The following EIF4G3 variants were observed in gnomAD, a reference collection of about 807,000 sequenced individuals.
EIF4G3 encodes eukaryotic translation initiation factor 4 gamma 3, also known as eIF-4-gamma 3.
A neutral mutation model predicts 186.4 loss-of-function variants in EIF4G3; 34 were observed. The observed-to-expected ratio is 0.18, with a 90% CI of 0.14 to 0.24. The LOEUF is 0.24. Among genes scored for constraint, EIF4G3 ranks in the 10% least tolerant of loss-of-function variants. The pLI is 1.00. For missense variants in EIF4G3, 1,536 were observed against 1,948.5 expected, an observed-to-expected ratio of 0.79 and a Z score of 3.99; for synonymous variants, 673 against 679.5, an observed-to-expected ratio of 0.99 and a Z score of 0.15.
chr1:20,991,880 C>G (rs925208295), intron 7 of EIF4G3, among the ~76,000 whole-genome samples: 3 of 152,158 alleles, frequency 2.0e-5, no homozygotes, highest in African/African-American at 7.2e-5. Context: ...CTGACACCTA[C>G]CAAGGACTTA....
At chr1:20,889,894 G>A (rs147612948) in intron 18 of EIF4G3, among the ~76,000 whole-genome samples, 138 of 152,226 alleles carry the variant, frequency 9.1e-4, no homozygotes, top group African/African-American at 2.9e-3. Context: ...TGAAAACTAC[G>A]TAGCTGCATA....
chr1:21,023,164 G>C (rs1264555632), intron 4 of EIF4G3, among the ~76,000 whole-genome samples: 6 of 151,786 alleles, frequency 4.0e-5, no homozygotes, highest in Admixed American at 3.3e-4. Flanking sequence ...CCTATGCACA[G>C]GGATTTACAA....
intron 12 of EIF4G3, among the ~76,000 whole-genome samples, chr1:20,965,364 T>G (rs893198800): frequency 6.6e-6 from 1 of 152,224 alleles, no homozygotes; most frequent in Admixed American, 6.5e-5. Context: ...CCCTTACATC[T>G]GGAGAAAACT....
intron 4 of EIF4G3, among the ~76,000 whole-genome samples, chr1:21,047,536 A>C (rs572959891): frequency 6.6e-6 from 1 of 151,886 alleles, no homozygotes; most frequent in African/African-American, 2.4e-5. Context: ...CCTAAAAACC[A>C]TTTACTTCCC....
In EIF4G3 at chr1:20,981,221, G is replaced by T; in HGVS notation, c.205C>A (p.Gln69Lys). The change falls in exon 9 of 37, where the codon CAG becomes AAG. Residue 69 changes from glutamine (Q) to lysine (K), a missense_variant. Gln to Lys is a moderately conservative substitution (Grantham distance 53). Coordinates refer to ENST00000602326, the MANE Select transcript of EIF4G3 (RefSeq NM_001391906.1). ...QGGFRPIQFF[Q>K]RPQIQPPRAT... ...CTAGGAGGCTGTATTTGAGGCCTCTGGAAAAACTGGGAAGGGGAGAAAAAA... is the reference window on the plus strand; with the variant it reads ...CTAGGAGGCTGTATTTGAGGCCTCTTGAAAAACTGGGAAGGGGAGAAAAAA... 6.3e-7 allele frequency: 1 copy of T among 1,581,628 alleles called. No individual in the cohort carries two copies. Among genetic ancestry groups the T allele is most frequent in the South Asian group, 1.2e-5 (1 of 84,966 alleles).
At chr1:20,892,140 C>A (rs2086290674) in intron 18 of EIF4G3, among the ~76,000 whole-genome samples, 1 of 152,162 alleles carries the variant, frequency 6.6e-6, no homozygotes, top group Admixed American at 6.5e-5. Context: ...TATTTCAAAG[C>A]AGGTTTCAAA....
chr1:21,023,651 C>A (rs1443099878), intron 4 of EIF4G3, among the ~76,000 whole-genome samples: 1 of 151,976 alleles, frequency 6.6e-6, no homozygotes, highest in Non-Finnish European at 1.5e-5. Context: ...CCCAAAGTGC[C>A]GAGATTGCAG....
At chr1:21,052,922 G>A (rs1351892996) in intron 3 of EIF4G3, among the ~76,000 whole-genome samples, 3 of 152,168 alleles carry the variant, frequency 2.0e-5, no homozygotes, top group East Asian at 1.9e-4. Flanking sequence ...GCGTGATCTC[G>A]GCTCGCTACA....
At position 20,981,068 on chromosome 1, in the gene EIF4G3, G is replaced by A; in HGVS notation, c.358C>T (p.Pro120Ser). ...TTTACCTGTGGTATACAGTACTGAG[G>A]CCCCTGGGGCACTGGGTACGGCATG... ...LPMPYPVPQG[P>S]QYCIPQYRHS... The change falls in exon 9 of 37, where the codon CCT becomes TCT. Residue 120 changes from proline to serine, a missense_variant. Around this residue, in one of 11 missense-constraint regions of EIF4G3, gnomAD observed 194 missense variants for 212.8 expected, o/e 0.91. Coordinates refer to ENST00000602326, the MANE Select transcript of EIF4G3 (RefSeq NM_001391906.1). 4 of 1,611,710 alleles carry A rather than the reference G, an allele frequency of 2.5e-6. No individual in the cohort carries two copies. Among genetic ancestry groups the A allele is most frequent in the Non-Finnish European group, 3.4e-6 (4 of 1,178,758 alleles).
chr1:20,833,408 T>C (rs2065865549), intron 30 of EIF4G3, among the ~76,000 whole-genome samples: 1 of 152,202 alleles, frequency 6.6e-6, no homozygotes, highest in Non-Finnish European at 1.5e-5. Flanking sequence ...TTTGGCTCTC[T>C]GTCTGTTGTT....
At chr1:21,024,283 G>GC (rs1343367783) in intron 4 of EIF4G3, among the ~76,000 whole-genome samples, 1 of 150,898 alleles carries the variant, frequency 6.6e-6, no homozygotes, top group Non-Finnish European at 1.5e-5. Flanking sequence ...CTGCCCGGCC[G>GC]CCCCTACTGG....
In EIF4G3 at chr1:20,860,502, G is replaced by C; in HGVS notation, c.3127C>G (p.Arg1043Gly). ...IDLRLCNWVS[R>G]RADQGPKTIE... is the part of the protein sequence containing the mutation. ...GTTTTAGGCCCTTGATCTGCTCTTC[G>C]AGATACCCAATTGCACTATAAAAGC... Residue 1043 changes from arginine to glycine, a missense_variant, in exon 24 of 37, where the codon CGA (arginine) becomes GGA (glycine). By Grantham distance (125) the Arg-to-Gly change is moderately radical (BLOSUM62 -2). This residue lies in a region of EIF4G3 where 110 missense variants were observed against 166.2 expected (regional missense o/e 0.66). Transcript: ENST00000602326. 6.2e-7 allele frequency: 1 copy of C among 1,613,532 alleles called. No homozygotes were observed. Among genetic ancestry groups the C allele is most frequent in the East Asian group, 2.2e-5 (1 of 44,866 alleles).
chr1:20,964,895 G>A (rs1321271626), intron 12 of EIF4G3, among the ~76,000 whole-genome samples: 1 of 152,160 alleles, frequency 6.6e-6, no homozygotes, highest in Non-Finnish European at 1.5e-5. Flanking sequence ...CTCCAGTGGG[G>A]AAGCCTAAGG....
At chr1:20,864,900 T>C (rs1325952699) in intron 21 of EIF4G3, among the ~76,000 whole-genome samples, 188 bp from the exon 22 acceptor site, 7 of 152,278 alleles carry the variant, frequency 4.6e-5, no homozygotes, top group Non-Finnish European at 7.3e-5. Flanking sequence ...CAGGCTTAGA[T>C]TGAATGGCTG....
chr1:20,967,381 C>A (rs2074922476), intron 12 of EIF4G3, among the ~76,000 whole-genome samples: 1 of 152,090 alleles, frequency 6.6e-6, no homozygotes, highest in African/African-American at 2.4e-5. Flanking sequence ...TATAGTGTGC[C>A]CCCACCTAAC....
intron 5 of EIF4G3, among the ~76,000 whole-genome samples, chr1:21,001,532 A>C (rs1344567792): frequency 6.6e-6 from 1 of 151,470 alleles, no homozygotes; most frequent in African/African-American, 2.5e-5. Flanking sequence ...GTGAGATCTC[A>C]GGCCCAAGTA....
In EIF4G3 at chr1:21,023,942, C is replaced by T. The variant is rs572800762; in HGVS notation, c.-66-21134G>A. 7.5e-5 allele frequency among the ~76,000 whole-genome samples: 6 copies of T among 79,658 alleles called. 1 individual carries two copies. The South Asian group carries it at 1.9e-3, about 26-fold the overall frequency. 52.3% of individuals were successfully genotyped at this position (79,658 alleles called of 152,430 possible). On this transcript the variant is annotated intron_variant, in intron 4 of 36. Coordinates refer to ENST00000602326, the MANE Select transcript of EIF4G3 (RefSeq NM_001391906.1). ...CTGGGATGTGAGGAGCGCCTCTGCC[C>T]GGCCACGACCCCATCTGGGAGGTGA... is the stretch of plus-strand genomic sequence containing the variant.
At chr1:21,082,844 T>C (rs899402465) in intron 3 of EIF4G3, among the ~76,000 whole-genome samples, 1 of 151,348 alleles carries the variant, frequency 6.6e-6, no homozygotes, top group East Asian at 1.9e-4. Context: ...CGAGACCATC[T>C]TGGCTAACAC....
chr1:21,045,604 T>C (rs753464571), intron 4 of EIF4G3, among the ~76,000 whole-genome samples: 4 of 152,130 alleles, frequency 2.6e-5, no homozygotes, highest in Non-Finnish European at 4.4e-5. Context: ...GTCTAGACAA[T>C]GATGCCAAGA....
Sources: allele counts gnomAD v4.1 joint callset (sites outside exome capture counted in the v4.1 genomes callset), GRCh38; gene constraint gnomAD v4.1.1; regional missense constraint gnomAD v4.1.1; transcripts MANE v1.5; gene names NCBI Gene and HGNC (gene_info 2026-07-23, HGNC 2026-07-21).